TCF7: variants seen among roughly 807,000 people sequenced by gnomAD.
TCF7 encodes transcription factor 7.
A neutral mutation model predicts 46.8 loss-of-function variants in TCF7; 19 were observed. The observed-to-expected ratio is 0.41, with a 90% CI of 0.28 to 0.60. The LOEUF is 0.60. TCF7 is among the 20% of genes least tolerant of loss of function. The pLI is 0.35. For synonymous variants in TCF7, 245 were observed against 213.4 expected, an observed-to-expected ratio of 1.15 and a Z score of -1.29; for missense variants, 547 against 504.6, an observed-to-expected ratio of 1.08 and a Z score of -0.81.
chr5:134,145,034 C>T, intron 9 of TCF7: 4 of 668,352 alleles, frequency 6.0e-6, no homozygotes, highest in Non-Finnish European at 1.1e-5. Flanking sequence ...ATACTGAACA[C>T]AGCGCGTGGA....
chr5:134,142,356 C>T (rs778259996), intron 6 of TCF7, 52 bp downstream of exon 6: 4 of 1,527,960 alleles, frequency 2.6e-6, no homozygotes, highest in Admixed American at 3.8e-5. Context: ...GATACACATG[C>T]CTCCCCACCA....
chr5:134,121,768 C>G (rs1756625511), intron 3 of TCF7, among the ~76,000 whole-genome samples: 1 of 152,146 alleles, frequency 6.6e-6, no homozygotes, highest in Non-Finnish European at 1.5e-5. Context: ...GAATGATGTT[C>G]TGTACACATC....
chr5:134,113,839 G>T (rs902718230), upstream of TCF7, among the ~76,000 whole-genome samples: 34 of 152,254 alleles, frequency 2.2e-4, no homozygotes, highest in African/African-American at 8.2e-4. Flanking sequence ...AGAGTCATGG[G>T]CTCCCTAAAT....
chr5:134,130,714 G>A (rs1757997711), intron 3 of TCF7, among the ~76,000 whole-genome samples: 2 of 152,146 alleles, frequency 1.3e-5, no homozygotes, highest in African/African-American at 2.4e-5. Flanking sequence ...AGTGGCCCCA[G>A]CTCCTCCCAC....
chr5:134,134,645 T>C (rs961490629), intron 3 of TCF7, among the ~76,000 whole-genome samples: 5 of 152,194 alleles, frequency 3.3e-5, no homozygotes, highest in Admixed American at 6.5e-5. Flanking sequence ...AGGAGAACTT[T>C]TGCATCTGTG....
At chr5:134,117,172 ATGAG>A (rs1214176748) in intron 3 of TCF7, among the ~76,000 whole-genome samples, 1 of 152,234 alleles carries the variant, frequency 6.6e-6, no homozygotes, top group African/African-American at 2.4e-5. Flanking sequence ...TATCTGTAAA[ATGAG>A]TATGTTTTTC....
intron 3 of TCF7, among the ~76,000 whole-genome samples, chr5:134,135,364 G>C (rs751158617): frequency 2.0e-5 from 3 of 152,196 alleles, no homozygotes; most frequent in East Asian, 1.9e-4. Context: ...CTGGATTGAG[G>C]ACTGGCGGAG....
chr5:134,118,454 C>G (rs1166207956), intron 3 of TCF7, among the ~76,000 whole-genome samples: 1 of 152,222 alleles, frequency 6.6e-6, no homozygotes, highest in Middle Eastern at 3.2e-3. Flanking sequence ...CAGGGAAAGC[C>G]TATACCAGGG....
chr5:134,140,313 G>GT (rs1378842653), intron 5 of TCF7, among the ~76,000 whole-genome samples: 9 of 152,212 alleles, frequency 5.9e-5, no homozygotes, highest in Non-Finnish European at 5.9e-5. Flanking sequence ...AAACCAGACA[G>GT]TTACAGGGCA....
At chr5:134,116,912 G>A (rs1482680756) in intron 3 of TCF7, among the ~76,000 whole-genome samples, 2 of 152,250 alleles carry the variant, frequency 1.3e-5, no homozygotes, top group Admixed American at 6.5e-5. Context: ...TGAGTGTTGG[G>A]TGTGAATGTA....
intron 3 of TCF7, among the ~76,000 whole-genome samples, chr5:134,137,050 C>T (rs980837391): frequency 6.6e-6 from 1 of 152,240 alleles, no homozygotes; most frequent in African/African-American, 2.4e-5. Context: ...CAGTGACTCC[C>T]TGCAGCCAGG....
At chr5:134,144,522 G>C (rs764943864) in intron 9 of TCF7, 12 of 458,468 alleles carry the variant, frequency 2.6e-5, no homozygotes, top group Non-Finnish European at 4.4e-5. Flanking sequence ...ACAAGCCACA[G>C]AGATGAGCCA....
chr5:134,117,852 G>C (rs1756040339), intron 3 of TCF7, among the ~76,000 whole-genome samples: 1 of 152,174 alleles, frequency 6.6e-6, no homozygotes. Flanking sequence ...AGTCTCCACT[G>C]TCTGGCTTCT....
chr5:134,130,622 A>G (rs1757984969), intron 3 of TCF7, among the ~76,000 whole-genome samples: 1 of 152,212 alleles, frequency 6.6e-6, no homozygotes. Flanking sequence ...TCTGACTCCC[A>G]AAGTATTGCA....
chr5:134,114,826 G>A lies in TCF7; in HGVS notation c.-81G>A. On this transcript the variant is annotated 5_prime_UTR_variant, in exon 1 of 10. Transcript: ENST00000342854. The stretch of plus-strand genomic sequence containing the variant: ...ATCCGAGCTCGGAGGTTCGGACTCC[G>A]GGCTCGCCGCCCCCCGGGCCGGCTC... 1.0e-6 allele frequency: 1 copy of A among 980,180 alleles called. No individual in the cohort carries two copies. Among genetic ancestry groups the A allele is most frequent in the Non-Finnish European group, 1.2e-6 (1 of 827,556 alleles). The allele number at this position is 980,180 out of a possible 1,614,324, so 60.7% of individuals were successfully genotyped here.
At chr5:134,141,052 T>C in intron 5 of TCF7, 1 of 311,966 alleles carries the variant, frequency 3.2e-6, no homozygotes, top group Non-Finnish European at 6.3e-6. Flanking sequence ...AGAATGAAGC[T>C]AGTGCAAGTG....
intron 3 of TCF7, among the ~76,000 whole-genome samples, chr5:134,134,095 G>C (rs1758523153): frequency 6.6e-6 from 1 of 152,186 alleles, no homozygotes; most frequent in African/African-American, 2.4e-5. Flanking sequence ...CCTGTGGGTA[G>C]CTTCTCAGTA....
chr5:134,144,663 A>C, intron 9 of TCF7: 1 of 677,222 alleles, frequency 1.5e-6, no homozygotes, highest in Non-Finnish European at 2.6e-6. Flanking sequence ...GGAGAGGCCC[A>C]CTCTGCCTAT....
the TCF7 span, among the ~76,000 whole-genome samples, chr5:134,108,225 G>A: frequency 2.0e-5 from 3 of 150,880 alleles, no homozygotes; most frequent in South Asian, 2.1e-4. Flanking sequence ...AAACCCGTCC[G>A]TCCCCACTCC....
Sources: gnomAD v4.1 joint callset for allele counts (sites outside exome capture counted in the v4.1 genomes callset) on GRCh38, gnomAD v4.1.1 for gene constraint, MANE v1.5 for transcripts, NCBI Gene and HGNC (gene_info 2026-07-23, HGNC 2026-07-21) for gene names.